Variants in PRKCA observed in about 807,000 individuals in gnomAD.
PRKCA encodes the protein protein kinase C alpha type.
PRKCA carries 27 observed loss-of-function variants against 87.0 expected under a neutral mutation model. The ratio of observed to expected loss-of-function variants is 0.31; its 90% CI spans 0.23 to 0.43. The LOEUF (loss-of-function observed/expected upper bound fraction) is 0.43. Among genes scored for constraint, PRKCA ranks in the 20% least tolerant of loss-of-function variants. The probability of loss-of-function intolerance (pLI) is 1.00; values close to 1 mark genes in which losing one functional copy is unlikely to be tolerated. For missense variants in PRKCA, 518 were observed against 852.3 expected (o/e 0.61, Z 4.88); for synonymous variants, 329 against 311.1 (o/e 1.06, Z -0.61).
intron 2 of PRKCA, among the ~76,000 whole-genome samples, chr17:66,467,134 T>C (rs1242977787): frequency 6.6e-6 from 1 of 152,208 alleles, no homozygotes; most frequent in African/African-American, 2.4e-5. Context: ...GGGATGACTG[T>C]GCATGTTGCC....
chr17:66,374,224 C>T (rs1256629313), intron 2 of PRKCA, among the ~76,000 whole-genome samples: 2 of 152,304 alleles, frequency 1.3e-5, no homozygotes, highest in South Asian at 2.1e-4. Context: ...CCTCAACTAG[C>T]ACCTCCAGCT....
At chr17:66,768,438 C>T (rs960378420) in intron 13 of PRKCA, among the ~76,000 whole-genome samples, 7 of 152,112 alleles carry the variant, frequency 4.6e-5, no homozygotes, top group Admixed American at 1.3e-4. Context: ...TTATCATTAA[C>T]CTAGGTTTTA....
chr17:66,791,517 G>T (rs1038977827), intron 16 of PRKCA, among the ~76,000 whole-genome samples: 1 of 152,236 alleles, frequency 6.6e-6, no homozygotes, highest in Admixed American at 6.5e-5. Flanking sequence ...AGCGTCAAGG[G>T]CAGAGAGATA....
At chr17:66,486,665 T>G (rs973977922) in intron 2 of PRKCA, among the ~76,000 whole-genome samples, 2 of 152,116 alleles carry the variant, frequency 1.3e-5, no homozygotes, top group Non-Finnish European at 2.9e-5. Flanking sequence ...TGAAGACATC[T>G]CTCATGGCTT....
intron 2 of PRKCA, among the ~76,000 whole-genome samples, chr17:66,442,087 G>A (rs532781909): frequency 3.3e-5 from 5 of 151,516 alleles, no homozygotes; most frequent in African/African-American, 1.2e-4. Flanking sequence ...CTTTGAGATG[G>A]AGTCTCGCTC....
At chr17:66,700,037 A>G (rs1401760925) in intron 8 of PRKCA, among the ~76,000 whole-genome samples, 1 of 152,258 alleles carries the variant, frequency 6.6e-6, no homozygotes, top group Non-Finnish European at 1.5e-5. Context: ...ATATCCAATG[A>G]ACAGAGATGC....
intron 13 of PRKCA, among the ~76,000 whole-genome samples, chr17:66,765,467 C>CTATAT (rs1974791863): frequency 1.6e-5 from 1 of 62,120 alleles, no homozygotes; most frequent in African/African-American, 5.9e-5. Context: ...CATATATATA[C>CTATAT]ATATTTGTCC....
chr17:66,626,202 C>CTT (rs559635396), intron 3 of PRKCA, among the ~76,000 whole-genome samples: 187 of 138,542 alleles, frequency 1.3e-3, no homozygotes, highest in African/African-American at 5.4e-3. Flanking sequence ...TTTTTCTTTT[C>CTT]TTTTTTTTTT....
chr17:66,375,430 C>T (rs577174949), intron 2 of PRKCA, among the ~76,000 whole-genome samples: 2 of 152,252 alleles, frequency 1.3e-5, no homozygotes, highest in East Asian at 1.9e-4. Flanking sequence ...CTTCATTCTT[C>T]CTTGGTCTGC....
chr17:66,447,068 G>A (rs1212218773), intron 2 of PRKCA, among the ~76,000 whole-genome samples: 2 of 152,160 alleles, frequency 1.3e-5, no homozygotes, highest in Admixed American at 6.5e-5. Flanking sequence ...GAAACGCTTC[G>A]ATATCAAGCC....
chr17:66,324,447 CAA>C (rs61047065), intron 2 of PRKCA, among the ~76,000 whole-genome samples: 32 of 90,646 alleles, frequency 3.5e-4, no homozygotes, highest in African/African-American at 1.0e-3. Context: ...ACTAAAAATA[CAA>C]AAAAAAAAAA....
intron 3 of PRKCA, among the ~76,000 whole-genome samples, chr17:66,525,631 A>G (rs1199396975): frequency 1.3e-5 from 2 of 152,202 alleles, no homozygotes; most frequent in Non-Finnish European, 2.9e-5. Context: ...TGTACTGGAA[A>G]GGTATGGGAC....
intron 2 of PRKCA, among the ~76,000 whole-genome samples, chr17:66,382,961 G>C (rs1404839751): frequency 8.0e-6 from 1 of 125,732 alleles, no homozygotes; most frequent in Non-Finnish European, 1.7e-5. Flanking sequence ...ATTGCGTTAT[G>C]ATGGTGTATT....
chr17:66,343,741 G>A (rs1249154074), intron 2 of PRKCA, among the ~76,000 whole-genome samples: 1 of 152,172 alleles, frequency 6.6e-6, no homozygotes, highest in Non-Finnish European at 1.5e-5. Flanking sequence ...AGTATCCAGG[G>A]TGACTTGTAG....
intron 2 of PRKCA, among the ~76,000 whole-genome samples, chr17:66,491,658 G>C (rs1411095061): frequency 6.6e-6 from 1 of 152,186 alleles, no homozygotes; most frequent in Non-Finnish European, 1.5e-5. Context: ...TTTTTAGCCA[G>C]GGGAAACCCT....
At chr17:66,674,570 A>G (rs1160810975) in intron 5 of PRKCA, among the ~76,000 whole-genome samples, 1 of 152,184 alleles carries the variant, frequency 6.6e-6, no homozygotes, top group Non-Finnish European at 1.5e-5. Context: ...TCATACCAGC[A>G]TCTGCTAGGG....
intron 2 of PRKCA, among the ~76,000 whole-genome samples, chr17:66,380,917 CTAAGG>C (rs1356166461): frequency 5.3e-5 from 8 of 151,278 alleles, no homozygotes; most frequent in Non-Finnish European, 1.2e-4. Flanking sequence ...TATAAAGAAT[CTAAGG>C]TATTTTTATT....
intron 5 of PRKCA, among the ~76,000 whole-genome samples, chr17:66,667,683 G>A (rs1021203917): frequency 6.6e-5 from 10 of 152,210 alleles, no homozygotes; most frequent in Admixed American, 2.0e-4. Flanking sequence ...ACAGGGACAA[G>A]TTAACAACAT....
At chr17:66,435,708 G>A (rs1445888879) in intron 2 of PRKCA, among the ~76,000 whole-genome samples, 1 of 152,196 alleles carries the variant, frequency 6.6e-6, no homozygotes, top group Non-Finnish European at 1.5e-5. Flanking sequence ...CATGAAGTGC[G>A]AAGTCTATGG....
Sources: allele counts gnomAD v4.1 joint callset (sites outside exome capture counted in the v4.1 genomes callset), GRCh38; gene constraint gnomAD v4.1.1; transcripts MANE v1.5; gene names NCBI Gene and HGNC (gene_info 2026-07-23, HGNC 2026-07-21).